The following BCL2 variants were observed in gnomAD, a reference collection of about 807,000 sequenced individuals.
The protein encoded by BCL2 is BCL2 apoptosis regulator.
BCL2 carries 1 observed loss-of-function variant against 14.2 expected under a neutral mutation model. That is an observed-to-expected ratio of 0.07 (90% confidence interval 0.02 to 0.33). The LOEUF is 0.33. BCL2 is among the 10% of genes least tolerant of loss of function. The probability of loss-of-function intolerance (pLI) is 0.99; values close to 1 mark genes in which losing one functional copy is unlikely to be tolerated. For missense variants in BCL2, 247 were observed against 305.9 expected (o/e 0.81, Z 1.44); for synonymous variants, 151 against 137.2 (o/e 1.10, Z -0.70).
chr18:63,217,431 TGAG>T (rs1910235817), intron 2 of BCL2, among the ~76,000 whole-genome samples: 1 of 152,050 alleles, frequency 6.6e-6, no homozygotes, highest in African/African-American at 2.4e-5. Context: ...AGGAAAAAAA[TGAG>T]GAGAAACTGG....
chr18:63,234,513 A>G (rs984568436), intron 2 of BCL2, among the ~76,000 whole-genome samples: 7 of 151,972 alleles, frequency 4.6e-5, no homozygotes, highest in Non-Finnish European at 2.9e-5. Context: ...CAACATTTCA[A>G]TCTAGGTATA....
At chr18:63,132,633 T>G (rs562502902) in intron 2 of BCL2, among the ~76,000 whole-genome samples, 1 of 152,314 alleles carries the variant, frequency 6.6e-6, no homozygotes, top group East Asian at 1.9e-4. Context: ...CTCTAAACTT[T>G]GCCCTTCTAC....
intron 2 of BCL2, chr18:63,315,648 AC>A (rs1913470716): frequency 6.6e-6 from 1 of 152,224 alleles, no homozygotes; most frequent in African/African-American, 2.4e-5. Flanking sequence ...CTGAAGCTTT[AC>A]CATTAAGACT....
At chr18:63,279,743 A>C (rs1568256216) in intron 2 of BCL2, among the ~76,000 whole-genome samples, 2 of 152,258 alleles carry the variant, frequency 1.3e-5, no homozygotes, top group East Asian at 1.9e-4. Context: ...GAAAATGAAC[A>C]AACTTTAGCT....
chr18:63,199,615 GCACAGACACATA>G (rs1909631190), intron 2 of BCL2, among the ~76,000 whole-genome samples: 1 of 149,990 alleles, frequency 6.7e-6, no homozygotes. Flanking sequence ...TACAACACAT[GCACAGACACATA>G]CACAGAGACA....
chr18:63,176,369 C>A (rs767686251), intron 2 of BCL2, among the ~76,000 whole-genome samples: 11 of 152,352 alleles, frequency 7.2e-5, no homozygotes, highest in South Asian at 2.1e-4. Context: ...ACCTGGGGAC[C>A]AGGGTTCCAA....
chr18:63,161,411 A>G (rs183773467), intron 2 of BCL2, among the ~76,000 whole-genome samples: 12 of 152,254 alleles, frequency 7.9e-5, no homozygotes, highest in African/African-American at 2.2e-4. Context: ...TGATCTTTCC[A>G]TCTCGCTTGG....
chr18:63,234,439 C>T (rs1022978622), intron 2 of BCL2, among the ~76,000 whole-genome samples: 15 of 152,234 alleles, frequency 9.9e-5, no homozygotes, highest in Admixed American at 2.6e-4. Flanking sequence ...TTTATGGCTG[C>T]GTAGTATTCC....
chr18:63,299,657 C>T (rs1912901854), intron 2 of BCL2, among the ~76,000 whole-genome samples: 1 of 152,198 alleles, frequency 6.6e-6, no homozygotes, highest in Admixed American at 6.5e-5. Flanking sequence ...CCCGCTTCAT[C>T]CCCTTCCATT....
At chr18:63,259,619 C>T (rs1056765337) in intron 2 of BCL2, among the ~76,000 whole-genome samples, 1 of 152,240 alleles carries the variant, frequency 6.6e-6, no homozygotes, top group Admixed American at 6.5e-5. Context: ...CCCTGGGTAA[C>T]ACCTTCCAGC....
chr18:63,137,194 G>A (rs1241797501), intron 2 of BCL2, among the ~76,000 whole-genome samples: 2 of 152,140 alleles, frequency 1.3e-5, no homozygotes, highest in African/African-American at 4.8e-5. Context: ...GTCAACTTTG[G>A]TTCATTCAGA....
At chr18:63,271,804 C>T (rs1912010964) in intron 2 of BCL2, among the ~76,000 whole-genome samples, 1 of 152,170 alleles carries the variant, frequency 6.6e-6, no homozygotes, top group South Asian at 2.1e-4. Flanking sequence ...AAGAGCTGAC[C>T]TGGAGGTTTA....
intron 2 of BCL2, among the ~76,000 whole-genome samples, chr18:63,300,492 G>GTA (rs1912935517): frequency 6.6e-6 from 1 of 151,394 alleles, no homozygotes; most frequent in African/African-American, 2.4e-5. Context: ...GTGTGTGTGT[G>GTA]TATTTTACTT....
Position 63,123,682 on chromosome 18 carries a change from T to C in BCL2, c.*4943A>G, listed in dbSNP as rs915275069. The C allele has an allele frequency of 5.2e-5, 11 of 213,060 alleles. No homozygotes were observed. Among genetic ancestry groups the C allele is most frequent in the African/African-American group, 2.3e-5 (1 of 44,130 alleles). The allele number at this position is 213,060 out of a possible 1,614,324, so 13.2% of individuals were successfully genotyped here. A position where few individuals can be genotyped will look rare whatever the true frequency, so the allele number is the denominator to read the frequency against. On this transcript the variant is annotated 3_prime_UTR_variant, in exon 3 of 3. Coordinates refer to ENST00000333681, the MANE Select transcript of BCL2 (RefSeq NM_000633.3). Reference sequence around the variant, plus strand: ...TTAAAACAAAAATAACCCCAGTAACTCAAAACAAAAGCAAACCTTGGTTGA... The same window carrying C: ...TTAAAACAAAAATAACCCCAGTAACCCAAAACAAAAGCAAACCTTGGTTGA...
chr18:63,220,076 G>A (rs1910344214), intron 2 of BCL2, among the ~76,000 whole-genome samples: 1 of 152,176 alleles, frequency 6.6e-6, no homozygotes, highest in Non-Finnish European at 1.5e-5. Flanking sequence ...CAGTTATAAT[G>A]CGCATTTGGA....
chr18:63,270,086 T>C (rs1171864976), intron 2 of BCL2, among the ~76,000 whole-genome samples: 2 of 152,212 alleles, frequency 1.3e-5, no homozygotes, highest in African/African-American at 4.8e-5. Flanking sequence ...GCTGGGATCA[T>C]TATTTCACCT....
intron 2 of BCL2, among the ~76,000 whole-genome samples, chr18:63,213,046 G>C (rs1333176002): frequency 6.6e-6 from 1 of 152,176 alleles, no homozygotes; most frequent in Non-Finnish European, 1.5e-5. Context: ...TGAAGCCAGA[G>C]GTGACCCAAA....
intron 2 of BCL2, among the ~76,000 whole-genome samples, chr18:63,304,300 G>C (rs1913054073): frequency 6.6e-6 from 1 of 152,128 alleles, no homozygotes; most frequent in South Asian, 2.1e-4. Context: ...GCTCTTTACA[G>C]TAAACAAATA....
At chr18:63,225,439 G>T (rs374550131) in intron 2 of BCL2, among the ~76,000 whole-genome samples, 2 of 152,294 alleles carry the variant, frequency 1.3e-5, no homozygotes, top group Non-Finnish European at 1.5e-5. Context: ...TATGCTAGAA[G>T]AAAAAGCTAA....
Sources: gnomAD v4.1 joint callset for allele counts (sites outside exome capture counted in the v4.1 genomes callset) on GRCh38, gnomAD v4.1.1 for gene constraint, MANE v1.5 for transcripts, NCBI Gene and HGNC (gene_info 2026-07-23, HGNC 2026-07-21) for gene names.